SEMA3E: variants seen among roughly 807,000 people sequenced by gnomAD.
SEMA3E encodes semaphorin 3E, also known as semaphorin-3E.
A neutral mutation model predicts 93.6 loss-of-function variants in SEMA3E; 49 were observed. The ratio of observed to expected loss-of-function variants is 0.52; its 90% CI spans 0.42 to 0.66. The LOEUF is 0.66. Ranked by LOEUF, SEMA3E falls within the 30% of genes least tolerant of loss-of-function variation. The pLI is 0.00. For synonymous variants in SEMA3E, 363 were observed against 330.7 expected (o/e 1.10, Z -1.06); for missense variants, 906 against 964.8 (o/e 0.94, Z 0.81).
chr7:83,536,392 G>A (rs1163161706), intron 1 of SEMA3E, among the ~76,000 whole-genome samples: 1 of 151,962 alleles, frequency 6.6e-6, no homozygotes, highest in Admixed American at 6.6e-5. Flanking sequence ...TTTTAAAATA[G>A]TACAATTACC....
intron 1 of SEMA3E, among the ~76,000 whole-genome samples, chr7:83,638,607 A>G (rs769044731): frequency 6.6e-6 from 1 of 152,200 alleles, no homozygotes; most frequent in Non-Finnish European, 1.5e-5. Context: ...TAATATAGTT[A>G]GATATCTATG....
intron 1 of SEMA3E, among the ~76,000 whole-genome samples, chr7:83,557,660 G>A (rs1368403230): frequency 6.6e-6 from 1 of 152,048 alleles, no homozygotes; most frequent in Admixed American, 6.6e-5. Context: ...TCTATATTAT[G>A]TCAGTAAAGA....
intron 1 of SEMA3E, among the ~76,000 whole-genome samples, chr7:83,574,258 C>G (rs950114632): frequency 1.3e-5 from 2 of 152,034 alleles, no homozygotes; most frequent in Non-Finnish European, 2.9e-5. Flanking sequence ...GATAGATAGT[C>G]AAATGCCATT....
At chr7:83,417,364 T>C (rs1340874756) in intron 5 of SEMA3E, among the ~76,000 whole-genome samples, 1 of 152,130 alleles carries the variant, frequency 6.6e-6, no homozygotes, top group Non-Finnish European at 1.5e-5. Flanking sequence ...CTCAAGAATA[T>C]GCAGTAGCAT....
chr7:83,396,712 T>C lies in SEMA3E; in HGVS notation c.1384A>G (p.Lys462Glu), dbSNP rs200450102. 6.3e-7 allele frequency: 1 copy of C among 1,597,510 alleles called. No individual in the cohort carries two copies. Among genetic ancestry groups the C allele is most frequent in the East Asian group, 2.2e-5 (1 of 44,692 alleles). The change falls in exon 12 of 17, where the codon AAA becomes GAA. Residue 462 changes from lysine (K) to glutamate (E), a missense_variant. Coordinates refer to ENST00000643230, the MANE Select transcript of SEMA3E (RefSeq NM_012431.3). ...FIGTDNGIVL[K>E]VITIYNQEME... The stretch of plus-strand genomic sequence containing the variant: ...TCTTGGTTGTAAATTGTGATTACTT[T>C]CAGCACAATTCCATTATCTGTAAGA...
At chr7:83,505,353 T>A (rs1790679244) in intron 1 of SEMA3E, among the ~76,000 whole-genome samples, 1 of 152,136 alleles carries the variant, frequency 6.6e-6, no homozygotes, top group Non-Finnish European at 1.5e-5. Flanking sequence ...AAAATTAATT[T>A]AAAAATCTAA....
At chr7:83,593,798 A>T (rs1403523811) in intron 1 of SEMA3E, among the ~76,000 whole-genome samples, 2 of 152,086 alleles carry the variant, frequency 1.3e-5, no homozygotes, top group African/African-American at 4.8e-5. Flanking sequence ...ACAGATATGT[A>T]TCCAATCGGC....
At chr7:83,433,364 C>A (rs1333824241) in intron 4 of SEMA3E, among the ~76,000 whole-genome samples, 16 of 152,062 alleles carry the variant, frequency 1.1e-4, no homozygotes, top group Non-Finnish European at 1.5e-5. Flanking sequence ...CCCAGTGAAT[C>A]ACCTATAAAA....
At chr7:83,617,842 A>T (rs1793413190) in intron 1 of SEMA3E, among the ~76,000 whole-genome samples, 1 of 151,928 alleles carries the variant, frequency 6.6e-6, no homozygotes, top group African/African-American at 2.4e-5. Flanking sequence ...AAACATGATT[A>T]AAAATAAGGA....
intron 14 of SEMA3E, among the ~76,000 whole-genome samples, chr7:83,388,219 G>T (rs1787923923): frequency 6.7e-6 from 1 of 148,798 alleles, no homozygotes; most frequent in Non-Finnish European, 1.5e-5. Flanking sequence ...TGAGACAGGA[G>T]AATCGCCTGA....
intron 1 of SEMA3E, among the ~76,000 whole-genome samples, chr7:83,565,475 A>T (rs914115519): frequency 4.6e-5 from 7 of 152,198 alleles, no homozygotes; most frequent in Admixed American, 6.5e-5. Flanking sequence ...TACCTATGGA[A>T]CAAACCTGCA....
At chr7:83,369,018 G>T (rs1794716123) in intron 16 of SEMA3E, among the ~76,000 whole-genome samples, 1 of 152,070 alleles carries the variant, frequency 6.6e-6, no homozygotes, top group African/African-American at 2.4e-5. Context: ...AATAGGTGAG[G>T]ATTTTTTGCA....
intron 13 of SEMA3E, among the ~76,000 whole-genome samples, chr7:83,393,452 T>G (rs1202648915): frequency 1.3e-5 from 2 of 152,066 alleles, no homozygotes; most frequent in African/African-American, 2.4e-5. Context: ...GACCTGACCC[T>G]GGGGAGGTTG....
chr7:83,489,082 C>T (rs1243453153), intron 2 of SEMA3E, among the ~76,000 whole-genome samples: 1 of 151,966 alleles, frequency 6.6e-6, no homozygotes, highest in East Asian at 1.9e-4. Flanking sequence ...TAGGTAAAGA[C>T]ACTGGTATTT....
In SEMA3E at chr7:83,394,299, G is replaced by A. The variant is rs111300014; in HGVS notation, c.1498C>T (p.Arg500Trp). ...PIISMEISSK[R>W]QQLYIGSASA... Reference sequence around the variant, plus strand: ...ACACACACACACACAGAACTTACCCGCTTTGAAGAAATCTCCATAGAAATA... The same window carrying A: ...ACACACACACACACAGAACTTACCCACTTTGAAGAAATCTCCATAGAAATA... The change falls in exon 13 of 17, where the codon CGG becomes TGG. Residue 500 changes from arginine (R) to tryptophan (W), a missense_variant and splice_region_variant. Coordinates refer to ENST00000643230, the MANE Select transcript of SEMA3E (RefSeq NM_012431.3). The A allele has an allele frequency of 2.0e-5, 33 of 1,612,594 alleles. No individual in the cohort carries two copies. Among genetic ancestry groups the A allele is most frequent in the East Asian group, 2.0e-4 (9 of 44,780 alleles).
At chr7:83,411,734 A>G (rs1453745555) in intron 5 of SEMA3E, among the ~76,000 whole-genome samples, 1 of 152,114 alleles carries the variant, frequency 6.6e-6, no homozygotes, top group Non-Finnish European at 1.5e-5. Context: ...GAATCAATAC[A>G]TTGATCTTTT....
chr7:83,583,370 C>CT (rs1418747575), intron 1 of SEMA3E, among the ~76,000 whole-genome samples: 1 of 152,094 alleles, frequency 6.6e-6, no homozygotes, highest in East Asian at 1.9e-4. Context: ...GGACTGGTAT[C>CT]TTTCAAGATG....
intron 1 of SEMA3E, among the ~76,000 whole-genome samples, chr7:83,578,428 T>C (rs530283375): frequency 1.5e-4 from 23 of 152,200 alleles, no homozygotes; most frequent in African/African-American, 5.5e-4. Flanking sequence ...TGGTGGCAGA[T>C]GCCTGTAATC....
chr7:83,478,458 C>A (rs1790069005), intron 2 of SEMA3E, among the ~76,000 whole-genome samples: 2 of 151,898 alleles, frequency 1.3e-5, no homozygotes, highest in South Asian at 2.1e-4. Context: ...TCATATCTTC[C>A]AGAGAATAAT....
Sources: allele counts gnomAD v4.1 joint callset (sites outside exome capture counted in the v4.1 genomes callset), GRCh38; gene constraint gnomAD v4.1.1; transcripts MANE v1.5; gene names NCBI Gene and HGNC (gene_info 2026-07-23, HGNC 2026-07-21).